ARL14EPL: variants seen among roughly 807,000 people sequenced by gnomAD.
ARL14EPL encodes ARL14 effector protein-like.
ARL14EPL carries 17 observed loss-of-function variants against 15.9 expected under a neutral mutation model. The observed-to-expected ratio is 1.07, with a 90% CI of 0.73 to 1.60. The LOEUF (loss-of-function observed/expected upper bound fraction) is 1.60, where lower values mean the gene tolerates loss of function less well. ARL14EPL is among the 40% of genes most tolerant of loss of function. The pLI is 0.00. For synonymous variants in ARL14EPL, 78 were observed against 63.8 expected (o/e 1.22, Z -1.06); for missense variants, 214 against 185.9 (o/e 1.15, Z -0.88).
chr5:116,059,140 G>A lies in ARL14EPL; in HGVS notation c.*193G>A. On this transcript the variant is annotated 3_prime_UTR_variant, in exon 4 of 4. Coordinates refer to ENST00000686077, the MANE Select transcript of ARL14EPL (RefSeq NM_001195581.2). ...TCTTAACTGTGTCAACAATTTTCAA[G>A]TCCCTTAACTTGCAACCAAAGAATG... The A allele has an allele frequency of 1.7e-6, 1 of 602,986 alleles. No individual in the cohort carries two copies. The highest frequency in any genetic ancestry group is 4.5e-4 in the Middle Eastern group (1 of 2,242). 37.4% of individuals were successfully genotyped at this position (602,986 alleles called of 1,614,324 possible).
intron 1 of ARL14EPL, among the ~76,000 whole-genome samples, chr5:116,047,860 T>G (rs575163621): frequency 6.6e-6 from 1 of 152,282 alleles, no homozygotes; most frequent in South Asian, 2.1e-4. Context: ...TAACCCACCT[T>G]GGGGAAGAGG....
intron 1 of ARL14EPL, among the ~76,000 whole-genome samples, chr5:116,035,801 C>A (rs933810262): frequency 1.3e-5 from 2 of 152,156 alleles, no homozygotes; most frequent in African/African-American, 4.8e-5. Context: ...AGGCTCTGGC[C>A]AGCTGCCGCT....
At chr5:116,042,183 C>T (rs537293606) in intron 1 of ARL14EPL, among the ~76,000 whole-genome samples, 10 of 152,302 alleles carry the variant, frequency 6.6e-5, no homozygotes, top group African/African-American at 1.7e-4. Flanking sequence ...AGTCCCTCCG[C>T]CCGCTCTGCC....
intron 1 of ARL14EPL, among the ~76,000 whole-genome samples, chr5:116,043,933 C>T (rs971090248): frequency 6.6e-6 from 1 of 152,078 alleles, no homozygotes; most frequent in Non-Finnish European, 1.5e-5. Flanking sequence ...CAAACATTGG[C>T]CAAAGAATTT....
intron 1 of ARL14EPL, among the ~76,000 whole-genome samples, chr5:116,046,276 A>G (rs1215300115): frequency 6.6e-6 from 1 of 152,188 alleles, no homozygotes; most frequent in African/African-American, 2.4e-5. Context: ...ACAGAGACCA[A>G]CTTTTAGGCT....
intron 1 of ARL14EPL, among the ~76,000 whole-genome samples, chr5:116,040,375 T>C (rs897742657): frequency 6.6e-6 from 1 of 151,106 alleles, no homozygotes; most frequent in African/African-American, 2.4e-5. Flanking sequence ...ATAATCGAAA[T>C]TAATAGAAAT....
At chr5:116,052,830 C>T (rs1405636698) in intron 2 of ARL14EPL, among the ~76,000 whole-genome samples, 1 of 152,066 alleles carries the variant, frequency 6.6e-6, no homozygotes, top group Non-Finnish European at 1.5e-5. Flanking sequence ...TGAAAGCTTC[C>T]CTTTTGTTTC....
Position 116,054,113 on chromosome 5 carries a change from C to T in ARL14EPL, c.196C>T (p.Arg66Trp), listed in dbSNP as rs1054543536. Reference protein sequence around the residue: ...PETRQQKKKARMSKMNEYFST... With the variant: ...PETRQQKKKAWMSKMNEYFST... Reference sequence around the variant, plus strand: ...AACAAGGCAGCAGAAAAAGAAAGCCCGGATGTCAAAGATGAATGAATATTT... The same window carrying T: ...AACAAGGCAGCAGAAAAAGAAAGCCTGGATGTCAAAGATGAATGAATATTT... Residue 66 changes from arginine to tryptophan, a missense_variant, in exon 3 of 4, where the codon CGG becomes TGG. Coordinates refer to ENST00000686077, the MANE Select transcript of ARL14EPL (RefSeq NM_001195581.2). The T allele has an allele frequency of 5.2e-6, 8 of 1,535,258 alleles. No individual in the cohort carries two copies. The highest frequency in any genetic ancestry group is 4.9e-5 in the East Asian group (2 of 40,900).
rs769281350 is a variant in ARL14EPL, at chr5:116,054,026, C to T, written c.109C>T (p.Arg37Trp). The T allele has an allele frequency of 1.4e-5, 21 of 1,533,888 alleles. No homozygotes were observed. In the South Asian group the frequency reaches 1.4e-4, roughly 10 times the overall value. Residue 37 changes from arginine (R) to tryptophan (W), a missense_variant, in exon 3 of 4, where the codon CGG (arginine) becomes TGG (tryptophan). Physicochemically the swap from Arg to Trp is moderately radical, Grantham distance 101 (BLOSUM62 -3). Coordinates refer to ENST00000686077, the MANE Select transcript of ARL14EPL (RefSeq NM_001195581.2). ...ATTTGTTTAATAGCAACAAATAGAG[C>T]GGCAGTTAAAATGCTTGGCATTTCG... ...IGQKQLQQIE[R>W]QLKCLAFRNP...
At chr5:116,034,753 T>C (rs1047894230) in intron 1 of ARL14EPL, among the ~76,000 whole-genome samples, 8 of 152,156 alleles carry the variant, frequency 5.3e-5, no homozygotes, top group African/African-American at 1.9e-4. Flanking sequence ...AGGCAGTGTG[T>C]CCAGTAGGCT....
At chr5:116,037,966 T>C (rs1250552744) in intron 1 of ARL14EPL, among the ~76,000 whole-genome samples, 2 of 152,202 alleles carry the variant, frequency 1.3e-5, no homozygotes, top group African/African-American at 4.8e-5. Context: ...GAAAATGCTC[T>C]CAGTCACTGC....
chr5:116,036,847 G>A (rs1366768527), intron 1 of ARL14EPL, among the ~76,000 whole-genome samples: 1 of 152,062 alleles, frequency 6.6e-6, no homozygotes, highest in East Asian at 1.9e-4. Context: ...AGTTTCAGAT[G>A]TCAAATTTGT....
intron 3 of ARL14EPL, among the ~76,000 whole-genome samples, chr5:116,058,071 G>C (rs1304183636): frequency 1.3e-5 from 2 of 152,226 alleles, no homozygotes; most frequent in Non-Finnish European, 2.9e-5. Flanking sequence ...CTCTGGGACA[G>C]AGCATCCCAC....
intron 1 of ARL14EPL, among the ~76,000 whole-genome samples, chr5:116,044,957 T>C (rs184246872): frequency 6.6e-6 from 1 of 152,284 alleles, no homozygotes; most frequent in Admixed American, 6.5e-5. Flanking sequence ...ATGTGTTCTT[T>C]CTCTTTACCA....
chr5:116,040,066 C>T (rs1749120646), intron 1 of ARL14EPL, among the ~76,000 whole-genome samples: 1 of 152,152 alleles, frequency 6.6e-6, no homozygotes, highest in Admixed American at 6.5e-5. Flanking sequence ...ACTTTTTACT[C>T]TCCCAACTTA....
chr5:116,051,507 A>G lies in ARL14EPL; in HGVS notation c.42A>G (p.Arg14=). The G allele has an allele frequency of 4.6e-6, 7 of 1,535,846 alleles. No homozygotes were observed. The highest frequency in any genetic ancestry group is 6.1e-6 in the Non-Finnish European group (7 of 1,146,652). ...QSEKNNSIQE[R]HTDHSFPEKN... is the part of the protein sequence containing the mutation. ...AGAAAAACAATTCCATTCAAGAGAGACACACAGATCATAGTTTTCCTGAGA... is the reference window on the plus strand; with the variant it reads ...AGAAAAACAATTCCATTCAAGAGAGGCACACAGATCATAGTTTTCCTGAGA... The change falls in exon 2 of 4, where the codon AGA becomes AGG. Residue 14 remains arginine (R), a synonymous_variant. Transcript: ENST00000686077.
chr5:116,033,588 C>T (rs750579526), intron 1 of ARL14EPL, among the ~76,000 whole-genome samples: 4 of 151,452 alleles, frequency 2.6e-5, no homozygotes, highest in African/African-American at 9.7e-5. Flanking sequence ...TTGGGTGGTA[C>T]AACATGACTT....
At chr5:116,052,249 T>A (rs1179645784) in intron 2 of ARL14EPL, 1 of 1,594,748 alleles carries the variant, frequency 6.3e-7, no homozygotes, top group African/African-American at 1.3e-5. Flanking sequence ...TGGCTGACTT[T>A]CCAGCGTCCT....
chr5:116,033,149 C>T (rs1748988895), intron 1 of ARL14EPL, among the ~76,000 whole-genome samples: 1 of 152,256 alleles, frequency 6.6e-6, no homozygotes, highest in Admixed American at 6.5e-5. Context: ...GAAATAACAA[C>T]TCTCTGCTAG....
Sources: gnomAD v4.1 joint callset for allele counts (sites outside exome capture counted in the v4.1 genomes callset) on GRCh38, gnomAD v4.1.1 for gene constraint, MANE v1.5 for transcripts, NCBI Gene and HGNC (gene_info 2026-07-23, HGNC 2026-07-21) for gene names.